Variants in MLYCD observed in about 807,000 individuals in gnomAD.
MLYCD encodes the protein malonyl-CoA decarboxylase.
Under a neutral mutation model 35.8 loss-of-function variants are expected in MLYCD, and 27 were observed. The ratio of observed to expected loss-of-function variants is 0.75; its 90% confidence interval spans 0.56 to 1.04. The LOEUF is 1.04. Among genes scored for constraint, MLYCD ranks in the 50% least tolerant of loss-of-function variants. The pLI is 0.00. For missense variants in MLYCD, 917 were observed against 665.1 expected (o/e 1.38, Z -4.17); for synonymous variants, 403 against 302.4 (o/e 1.33, Z -3.45).
chr16:83,908,437 G>C (rs1907060075), intron 3 of MLYCD, among the ~76,000 whole-genome samples, 155 bp downstream of exon 3: 1 of 151,144 alleles, frequency 6.6e-6, no homozygotes, highest in Admixed American at 6.6e-5. Flanking sequence ...AAAATCTCCA[G>C]ATTTGTAGGT....
In MLYCD at chr16:83,899,291, G is replaced by T; in HGVS notation, c.147G>T (p.Pro49=). 6.8e-7 allele frequency: 1 copy of T among 1,478,910 alleles called. No homozygotes were observed. The highest frequency in any genetic ancestry group is 8.9e-7 in the Non-Finnish European group (1 of 1,120,796). The allele number at this position is 1,478,910 out of a possible 1,614,324, so 91.6% of individuals were successfully genotyped here. ...AMDELLRRAV[P]PTPAYELREK... is the part of the protein sequence containing the mutation. ...ACGAGCTGCTGCGCCGCGCGGTGCC[G>T]CCGACGCCGGCCTACGAGCTGCGCG... is the stretch of plus-strand genomic sequence containing the variant. The change falls in exon 1 of 5, where the codon CCG becomes CCT. Residue 49 remains proline (P), a synonymous_variant. Coordinates refer to ENST00000262430, the MANE Select transcript of MLYCD (RefSeq NM_012213.3).
intron 1 of MLYCD, 106 bp downstream of exon 1, chr16:83,899,778 T>C: frequency 7.6e-7 from 1 of 1,317,106 alleles, no homozygotes; most frequent in South Asian, 1.5e-5. Context: ...CCCTGCCCGA[T>C]AGCACGCTCA....
Position 83,899,174 on chromosome 16 carries a change from C to T in MLYCD, c.30C>T (p.Ala10=), listed in dbSNP as rs1337746239. ...GAGGCTTCGGGCCAGGCTTGACGGC[C>T]AGGCGTCTCCTCCCGCTGCGGTTGC... MRGFGPGLT[A]RRLLPLRLPP... The change falls in exon 1 of 5, where the codon GCC becomes GCT. Residue 10 remains alanine, a synonymous_variant. Coordinates refer to ENST00000262430, the MANE Select transcript of MLYCD (RefSeq NM_012213.3). The T allele has an allele frequency of 8.6e-7, 1 of 1,166,564 alleles. No homozygotes were observed. The highest frequency in any genetic ancestry group is 3.4e-5 in the South Asian group (1 of 29,470). 72.3% of individuals were successfully genotyped at this position (1,166,564 alleles called of 1,614,324 possible).
At position 83,918,179 on chromosome 16, in the gene MLYCD, A is replaced by T. The variant is rs1907497493; in HGVS notation, c.*2690A>T. 1 of 152,254 alleles carries T rather than the reference A, an allele frequency of 6.6e-6. No individual in the cohort carries two copies. The allele number at this position is 152,254 out of a possible 1,614,324, so 9.4% of individuals were successfully genotyped here. On this transcript the variant is annotated 3_prime_UTR_variant, in exon 5 of 5. Transcript: ENST00000262430. ...TGTAACCCTCCCGGTTTTATTTATC[A>T]CTCAGGCAGAGTTTCTTAACCTTTT...
intron 3 of MLYCD, chr16:83,911,563 ACTCAGACTTCAGCT>A: frequency 3.9e-5 from 6 of 153,680 alleles, no homozygotes; most frequent in Admixed American, 2.6e-4. Context: ...GAGGCAATAA[ACTCAGACTTCAGCT>A]AAGCGACTTC....
chr16:83,900,235 T>G (rs1218709939), intron 1 of MLYCD, among the ~76,000 whole-genome samples: 1 of 152,198 alleles, frequency 6.6e-6, no homozygotes, highest in Non-Finnish European at 1.5e-5. Context: ...GGAGGGCATT[T>G]AACTCCCTGC....
chr16:83,924,038 C>T lies in MLYCD; in HGVS notation c.*8549C>T, dbSNP rs78773490. The T allele has an allele frequency of 6.7e-3, 1,013 of 152,312 alleles. 9 individuals carry two copies. The highest frequency in any genetic ancestry group is 0.024 in the Middle Eastern group (7 of 296). The allele number at this position is 152,312 out of a possible 1,614,324, so 9.4% of individuals were successfully genotyped here. ...ATGCACAGTGCTGGCCGTATCGGTC[C>T]GAGCCCTCGGCTGCCAGGGAGAGAA... is the stretch of plus-strand genomic sequence containing the variant. On this transcript the variant is annotated 3_prime_UTR_variant, in exon 5 of 5. Coordinates refer to ENST00000262430, the MANE Select transcript of MLYCD (RefSeq NM_012213.3).
In MLYCD at chr16:83,899,341, G is replaced by A. The variant is rs758291789; in HGVS notation, c.197G>A (p.Gly66Asp). The A allele has an allele frequency of 7.3e-6, 11 of 1,516,846 alleles. No individual in the cohort carries two copies. The South Asian group carries it at 1.3e-4, about 19-fold the overall frequency. The allele number at this position is 1,516,846 out of a possible 1,614,324, so 94.0% of individuals were successfully genotyped here. A position where few individuals can be genotyped will look rare whatever the true frequency, so the allele number is the denominator to read the frequency against. The change falls in exon 1 of 5, where the codon GGT becomes GAT. Residue 66 changes from glycine (G) to aspartate (D), a missense_variant. Transcript: ENST00000262430. ...GAGAAGACACCGGCGCCCGCCGAGG[G>A]TCAGTGCGCGGACTTCGTGAGCTTC... ...LREKTPAPAE[G>D]QCADFVSFYG... is the part of the protein sequence containing the mutation.
chr16:83,908,944 G>A (rs1907076792), intron 3 of MLYCD, among the ~76,000 whole-genome samples: 1 of 152,232 alleles, frequency 6.6e-6, no homozygotes. Context: ...CTCAGACCAA[G>A]AGGACATGAG....
At position 83,907,020 on chromosome 16, in the gene MLYCD, G is replaced by C. The variant is rs1161476431; in HGVS notation, c.562G>C (p.Glu188Gln). The change falls in exon 2 of 5, where the codon GAA becomes CAA. Residue 188 changes from glutamate (E) to glutamine (Q), a missense_variant. Glu to Gln is a conservative substitution (Grantham distance 29). Transcript: ENST00000262430. ...MNGVLKGMLS[E>Q]WFSSGFLNLE... The stretch of plus-strand genomic sequence containing the variant: ...TGGGGTGCTGAAAGGAATGCTCTCA[G>C]AATGGTTTTCCTCCGGGTTCCTGAA... The C allele has an allele frequency of 3.7e-6, 6 of 1,614,052 alleles. No homozygotes were observed. Among genetic ancestry groups the C allele is most frequent in the Non-Finnish European group, 5.1e-6 (6 of 1,180,036 alleles).
chr16:83,912,610 G>C (rs1907220498), intron 4 of MLYCD: 3 of 549,412 alleles, frequency 5.5e-6, no homozygotes, highest in South Asian at 3.9e-5. Flanking sequence ...GCAAGACGCA[G>C]TTGTATTCTG....
intron 1 of MLYCD, 134 bp downstream of exon 1, chr16:83,899,806 G>A: frequency 2.6e-6 from 3 of 1,134,776 alleles, no homozygotes; most frequent in Non-Finnish European, 3.6e-6. Flanking sequence ...CGCAGTTACC[G>A]CCTGCCAACT....
At chr16:83,901,824 A>G (rs949491423) in intron 1 of MLYCD, among the ~76,000 whole-genome samples, 2 of 152,130 alleles carry the variant, frequency 1.3e-5, no homozygotes, top group South Asian at 2.1e-4. Context: ...GACCAAGGCT[A>G]TTTACAGAAG....
chr16:83,921,391 A>G lies in MLYCD; in HGVS notation c.*5902A>G, dbSNP rs1222063427. ...GATGGATGGATGGATGGATAGATGG[A>G]TGGAGGAGGGTGGATGGAAGGAAGG... On this transcript the variant is annotated 3_prime_UTR_variant, in exon 5 of 5. Coordinates refer to ENST00000262430, the MANE Select transcript of MLYCD (RefSeq NM_012213.3). 8.6e-6 allele frequency: 1 copy of G among 116,486 alleles called. No individual in the cohort carries two copies. The highest frequency in any genetic ancestry group is 1.7e-5 in the Non-Finnish European group (1 of 59,174). The allele number at this position is 116,486 out of a possible 1,614,324, so 7.2% of individuals were successfully genotyped here. A position where few individuals can be genotyped will look rare whatever the true frequency, so the allele number is the denominator to read the frequency against.
rs1907752350 is a variant in MLYCD, at chr16:83,924,659, C to T, written c.*9170C>T. 1 of 152,218 alleles carries T rather than the reference C, an allele frequency of 6.6e-6. No homozygotes were observed. Among genetic ancestry groups the T allele is most frequent in the South Asian group, 2.1e-4 (1 of 4,834 alleles). The allele number at this position is 152,218 out of a possible 1,614,324, so 9.4% of individuals were successfully genotyped here. A position where few individuals can be genotyped will look rare whatever the true frequency, so the allele number is the denominator to read the frequency against. Reference sequence around the variant, plus strand: ...CGCAGGAGAGAAGACCAGAGAGCTGCCTTCAAAGATGCCAGAGCCATGTTT... The same window carrying T: ...CGCAGGAGAGAAGACCAGAGAGCTGTCTTCAAAGATGCCAGAGCCATGTTT... On this transcript the variant is annotated 3_prime_UTR_variant, in exon 5 of 5. Transcript: ENST00000262430.
chr16:83,910,211 G>GTT lies in MLYCD; in HGVS notation c.798+1940_798+1941dup, dbSNP rs144044828. ...AATTGGTTATTTTTTTTTATGCATG[G>GTT]TTTTTTTTTTTTGCCTCTTTTTGTT... On this transcript the variant is annotated intron_variant, in intron 3 of 4. Transcript: ENST00000262430. 2.2e-3 allele frequency among the ~76,000 whole-genome samples: 305 copies of GTT among 141,188 alleles called. 2 individuals are homozygous for GTT. The highest frequency in any genetic ancestry group is 6.7e-3 in the African/African-American group (257 of 38,596). The allele number at this position is 141,188 out of a possible 152,430, so 92.6% of individuals were successfully genotyped here. A position where few individuals can be genotyped will look rare whatever the true frequency, so the allele number is the denominator to read the frequency against.
Position 83,914,984 on chromosome 16 carries a change from C to G in MLYCD, c.977C>G (p.Ser326Ter). ...GAGTTTCCTCACCTTGGGGTGTTTT[C>G]AAGTCTGTCACCTATACCTGGTTTC... Reference protein sequence around the residue: ...QREFPHLGVFSSLSPIPGFTK... With the variant: ...QREFPHLGVF Residue 326 changes from serine to a stop codon, truncating the protein, a stop_gained, in exon 5 of 5, where the codon TCA (serine) becomes TGA (stop). Transcript: ENST00000262430. LOFTEE classifies it high-confidence loss of function. 1 of 1,614,230 alleles carries G rather than the reference C, an allele frequency of 6.2e-7. No individual in the cohort carries two copies. Among genetic ancestry groups the G allele is most frequent in the Non-Finnish European group, 8.5e-7 (1 of 1,180,048 alleles).
rs7188515 is a variant in MLYCD, at chr16:83,926,143, C to T, written c.*10654C>T. 0.037 allele frequency: 5,647 copies of T among 152,458 alleles called. 289 individuals are homozygous for T. Among genetic ancestry groups the T allele is most frequent in the African/African-American group, 0.12 (4,785 of 41,570 alleles). The allele number at this position is 152,458 out of a possible 1,614,324, so 9.4% of individuals were successfully genotyped here. ...CTTAAAGGCAGGGTCTTTCTGGCCA[C>T]GCCTGGCCCTGGTCTGGCCTCCCCA... On this transcript the variant is annotated 3_prime_UTR_variant, in exon 5 of 5. Transcript: ENST00000262430.
intron 3 of MLYCD, 88 bp from the exon 4 acceptor site, chr16:83,912,130 G>C: frequency 6.3e-7 from 1 of 1,576,814 alleles, no homozygotes; most frequent in Non-Finnish European, 8.7e-7. Flanking sequence ...AGTGCTCTGA[G>C]AATTGTCTTC....
Sources: gnomAD v4.1 joint callset for allele counts (sites outside exome capture counted in the v4.1 genomes callset) on GRCh38, gnomAD v4.1.1 for gene constraint, MANE v1.5 for transcripts, NCBI Gene and HGNC (gene_info 2026-07-23, HGNC 2026-07-21) for gene names.